Variants in GRIN2A observed in about 807,000 individuals in gnomAD.
The protein encoded by GRIN2A is glutamate ionotropic receptor NMDA type subunit 2A, also known as glutamate receptor ionotropic, NMDA 2A.
In GRIN2A, 22 loss-of-function variants were observed where a neutral mutation model predicts 113.4. The ratio of observed to expected loss-of-function variants is 0.19; its 90% CI spans 0.14 to 0.28. The LOEUF is 0.28. Ranked by LOEUF, GRIN2A falls within the 10% of genes least tolerant of loss-of-function variation. The pLI is 1.00. For synonymous variants in GRIN2A, 827 were observed against 738.4 expected (o/e 1.12, Z -1.94); for missense variants, 1,502 against 1,887.0 (o/e 0.80, Z 3.78).
intron 7 of GRIN2A, among the ~76,000 whole-genome samples, chr16:9,834,844 G>A (rs551686015): frequency 1.3e-5 from 2 of 152,294 alleles, no homozygotes; most frequent in Admixed American, 6.5e-5. Flanking sequence ...GAAAGAGGGA[G>A]CAAGTTAGAA....
At chr16:9,788,062 T>C (rs1425171116) in intron 11 of GRIN2A, among the ~76,000 whole-genome samples, 1 of 152,308 alleles carries the variant, frequency 6.6e-6, no homozygotes, top group East Asian at 1.9e-4. Flanking sequence ...TTCAATTTCA[T>C]CTGCAGCATG....
chr16:10,031,041 G>A (rs931711953), intron 2 of GRIN2A, among the ~76,000 whole-genome samples: 4 of 152,138 alleles, frequency 2.6e-5, no homozygotes, highest in African/African-American at 7.2e-5. Context: ...ATCTGAACTC[G>A]GGAAAGTGGT....
rs770911557 is a variant in GRIN2A at position 9,938,216 on chromosome 16, C to T, written c.750G>A (p.Gly250=). Residue 250 remains glycine, a synonymous_variant, in exon 3 of 13, where the codon GGG becomes GGA. Transcript: ENST00000330684. ...LSEARSLGLT[G]YDFFWIVPSL... is the part of the protein sequence containing the mutation. ...TGGGGACAATCCAGAAGAAATCATA[C>T]CCGGTGAGGCCAAGGGAGCGGGCCT... 1.9e-6 allele frequency: 3 copies of T among 1,614,032 alleles called. No homozygotes were observed. The highest frequency in any genetic ancestry group is 1.6e-4 in the Middle Eastern group (1 of 6,062).
intron 2 of GRIN2A, among the ~76,000 whole-genome samples, chr16:9,998,137 C>T (rs2046258841): frequency 6.6e-6 from 1 of 152,032 alleles, no homozygotes; most frequent in Middle Eastern, 3.2e-3. Flanking sequence ...CTCTCCATAC[C>T]AGTATGAGGC....
intron 2 of GRIN2A, among the ~76,000 whole-genome samples, chr16:10,020,240 C>A (rs2046693306): frequency 6.6e-6 from 1 of 152,130 alleles, no homozygotes; most frequent in Admixed American, 6.5e-5. Context: ...GGTAAAACCC[C>A]ATCTCTACTA....
intron 2 of GRIN2A, among the ~76,000 whole-genome samples, chr16:9,965,464 C>T (rs2045537456): frequency 6.6e-6 from 1 of 152,170 alleles, no homozygotes. Context: ...TTGGGCTGAG[C>T]TATAGAATAA....
intron 2 of GRIN2A, among the ~76,000 whole-genome samples, chr16:9,956,776 A>T (rs961627160): frequency 6.6e-6 from 1 of 152,202 alleles, no homozygotes; most frequent in African/African-American, 2.4e-5. Context: ...ATGGTTGAAG[A>T]CTTCTCCAAA....
intron 2 of GRIN2A, among the ~76,000 whole-genome samples, chr16:10,148,256 T>C (rs927411540): frequency 6.6e-6 from 1 of 152,228 alleles, no homozygotes; most frequent in Non-Finnish European, 1.5e-5. Context: ...CCTTTTGTGC[T>C]AAAACGGCAG....
At chr16:9,932,879 C>A (rs1303810722) in intron 3 of GRIN2A, among the ~76,000 whole-genome samples, 1 of 152,208 alleles carries the variant, frequency 6.6e-6, no homozygotes, top group African/African-American at 2.4e-5. Context: ...ACCCATGCAA[C>A]CTGGCCCCAG....
At chr16:10,023,686 G>A (rs1405956450) in intron 2 of GRIN2A, among the ~76,000 whole-genome samples, 1 of 152,200 alleles carries the variant, frequency 6.6e-6, no homozygotes, top group Non-Finnish European at 1.5e-5. Context: ...TTCAGTGCGT[G>A]TCGCTATAAA....
At chr16:9,963,894 G>A (rs2045496168) in intron 2 of GRIN2A, among the ~76,000 whole-genome samples, 1 of 152,178 alleles carries the variant, frequency 6.6e-6, no homozygotes, top group South Asian at 2.1e-4. Flanking sequence ...CAGACATAGT[G>A]CCATGTCCTG....
Position 9,759,048 on chromosome 16 carries a change from G to T in GRIN2A, c.*4101C>A. ...AGGCTCCATTTCAGAAACAACGCAT[G>T]TCCCCTTTTCAAGGATTCATGCACA... is the stretch of plus-strand genomic sequence containing the variant. On this transcript the variant is annotated 3_prime_UTR_variant, in exon 13 of 13. Coordinates refer to ENST00000330684, the MANE Select transcript of GRIN2A (RefSeq NM_001134407.3). 9.1e-6 allele frequency: 2 copies of T among 220,570 alleles called. No homozygotes were observed. Among genetic ancestry groups the T allele is most frequent in the Non-Finnish European group, 9.1e-6 (1 of 110,056 alleles). The allele number at this position is 220,570 out of a possible 1,614,324, so 13.7% of individuals were successfully genotyped here. A position where few individuals can be genotyped will look rare whatever the true frequency, so the allele number is the denominator to read the frequency against.
intron 2 of GRIN2A, among the ~76,000 whole-genome samples, chr16:9,987,304 T>C (rs1451671887): frequency 6.6e-6 from 1 of 152,230 alleles, no homozygotes; most frequent in Non-Finnish European, 1.5e-5. Context: ...CTTCCTTTTA[T>C]AAAACATTAA....
At chr16:9,915,245 G>T (rs2044224498) in intron 3 of GRIN2A, among the ~76,000 whole-genome samples, 1 of 151,790 alleles carries the variant, frequency 6.6e-6, no homozygotes, top group Non-Finnish European at 1.5e-5. Flanking sequence ...CAACTATACA[G>T]AATTCTTAAT....
intron 7 of GRIN2A, among the ~76,000 whole-genome samples, chr16:9,835,085 T>C (rs1385093493): frequency 6.6e-6 from 1 of 152,196 alleles, no homozygotes; most frequent in Non-Finnish European, 1.5e-5. Flanking sequence ...GACAGAAATA[T>C]TGGAAAGTTA....
intron 3 of GRIN2A, among the ~76,000 whole-genome samples, chr16:9,894,950 C>T (rs2043774434): frequency 6.6e-6 from 1 of 152,122 alleles, no homozygotes; most frequent in Non-Finnish European, 1.5e-5. Flanking sequence ...TCCATTAATC[C>T]ATCCATCCAT....
In GRIN2A at chr16:9,861,959, C is replaced by G. The variant is rs150960619; in HGVS notation, c.1123-11998G>C. 4.6e-5 allele frequency among the ~76,000 whole-genome samples: 7 copies of G among 152,264 alleles called. No individual in the cohort carries two copies. In the East Asian group the frequency reaches 1.4e-3, roughly 29 times the overall value. ...ATGAAGCTTTGGCATGAATAAGAAC[C>G]TTTCCTGGAAGCTGATTAAGAATGC... On this transcript the variant is annotated intron_variant, in intron 4 of 12. Coordinates refer to ENST00000330684, the MANE Select transcript of GRIN2A (RefSeq NM_001134407.3).
At chr16:10,153,164 T>C (rs1338115217) in intron 2 of GRIN2A, among the ~76,000 whole-genome samples, 1 of 152,146 alleles carries the variant, frequency 6.6e-6, no homozygotes, top group Non-Finnish European at 1.5e-5. Flanking sequence ...ACTATTCTGG[T>C]GGGGTATGTG....
At chr16:10,092,368 G>C (rs1213650834) in intron 2 of GRIN2A, among the ~76,000 whole-genome samples, 1 of 152,170 alleles carries the variant, frequency 6.6e-6, no homozygotes, top group Non-Finnish European at 1.5e-5. Context: ...GCAATGTTGT[G>C]TGAGGTCTTC....
Sources: allele counts gnomAD v4.1 joint callset (sites outside exome capture counted in the v4.1 genomes callset), GRCh38; gene constraint gnomAD v4.1.1; transcripts MANE v1.5; gene names NCBI Gene and HGNC (gene_info 2026-07-23, HGNC 2026-07-21).